Variants in WWOX observed in about 807,000 individuals in gnomAD.
The protein encoded by WWOX is WW domain containing oxidoreductase.
A neutral mutation model predicts 46.2 loss-of-function variants in WWOX; 69 were observed. That is an observed-to-expected ratio of 1.49 (90% confidence interval 1.23 to 1.82). The LOEUF (loss-of-function observed/expected upper bound fraction) is 1.82, where lower values mean the gene tolerates loss of function less well. Ranked by LOEUF, WWOX falls within the 40% of genes most tolerant of loss-of-function variation. The probability of loss-of-function intolerance (pLI) is 0.00; values close to 1 mark genes in which losing one functional copy is unlikely to be tolerated. For synonymous variants in WWOX, 359 were observed against 202.6 expected, an observed-to-expected ratio of 1.77 and a Z score of -6.56; for missense variants, 919 against 542.6, an observed-to-expected ratio of 1.69 and a Z score of -6.89.
At chr16:78,680,122 T>C (rs28710445) in intron 8 of WWOX, among the ~76,000 whole-genome samples, 26,358 of 152,238 alleles carry the variant, frequency 0.17, 4,659 homozygotes, top group African/African-American at 0.45. Flanking sequence ...TAAGAAAAGG[T>C]ATCTAGGCTG....
intron 8 of WWOX, among the ~76,000 whole-genome samples, chr16:79,096,993 C>T (rs9939718): frequency 0.4 from 60,312 of 151,704 alleles, 14,011 homozygotes; most frequent in African/African-American, 0.65. Context: ...TGCTGTCATT[C>T]GTGGGTTTTG....
intron 8 of WWOX, among the ~76,000 whole-genome samples, chr16:78,715,114 C>A (rs900905756): frequency 6.6e-5 from 10 of 151,964 alleles, no homozygotes; most frequent in South Asian, 4.2e-4. Flanking sequence ...GACCCCATCT[C>A]TATTAAGAAA....
intron 5 of WWOX, among the ~76,000 whole-genome samples, chr16:78,173,108 C>G (rs2035216324): frequency 1.3e-5 from 2 of 152,168 alleles, no homozygotes; most frequent in South Asian, 4.1e-4. Flanking sequence ...GGGCAGCACG[C>G]CCTGCGATAG....
chr16:78,983,942 G>C (rs2046734164), intron 8 of WWOX, among the ~76,000 whole-genome samples: 1 of 137,600 alleles, frequency 7.3e-6, no homozygotes, highest in Non-Finnish European at 1.5e-5. Context: ...CAGTGGCGCA[G>C]TCTCAGCTGA....
At chr16:78,769,814 G>A (rs1172888891) in intron 8 of WWOX, among the ~76,000 whole-genome samples, 2 of 150,888 alleles carry the variant, frequency 1.3e-5, no homozygotes, top group African/African-American at 4.9e-5. Flanking sequence ...CGAGATCAGT[G>A]TGGACAACAT....
chr16:78,272,676 G>A (rs1016727250), intron 5 of WWOX, among the ~76,000 whole-genome samples: 8 of 152,122 alleles, frequency 5.3e-5, no homozygotes, highest in African/African-American at 1.9e-4. Flanking sequence ...AAAGTACCAA[G>A]CACCTTGGAT....
chr16:78,332,998 A>T (rs185714268), intron 5 of WWOX, among the ~76,000 whole-genome samples: 2 of 149,032 alleles, frequency 1.3e-5, no homozygotes, highest in African/African-American at 4.9e-5. Context: ...TTTTTAACCA[A>T]GATTCTTCGC....
At chr16:78,796,998 G>A (rs1484293115) in intron 8 of WWOX, among the ~76,000 whole-genome samples, 1 of 151,880 alleles carries the variant, frequency 6.6e-6, no homozygotes, top group Non-Finnish European at 1.5e-5. Context: ...GCTAATTTTT[G>A]TATTTTTAGT....
At chr16:78,600,182 C>T (rs376238021) in intron 8 of WWOX, among the ~76,000 whole-genome samples, 2 of 152,190 alleles carry the variant, frequency 1.3e-5, no homozygotes, top group East Asian at 3.9e-4. Flanking sequence ...AAGACTTGCC[C>T]TCATGATTCA....
At chr16:78,996,895 C>G (rs549938232) in intron 8 of WWOX, among the ~76,000 whole-genome samples, 9 of 152,226 alleles carry the variant, frequency 5.9e-5, no homozygotes, top group Non-Finnish European at 1.3e-4. Flanking sequence ...TCCACAGTCC[C>G]TGCTCCGGAG....
At chr16:78,471,243 C>G (rs1250319873) in intron 8 of WWOX, among the ~76,000 whole-genome samples, 1 of 152,114 alleles carries the variant, frequency 6.6e-6, no homozygotes, top group Non-Finnish European at 1.5e-5. Context: ...TTTTCCCTGT[C>G]CTGCCAATTC....
chr16:79,020,113 C>G (rs1347757772), intron 8 of WWOX, among the ~76,000 whole-genome samples: 2 of 152,182 alleles, frequency 1.3e-5, no homozygotes, highest in African/African-American at 4.8e-5. Flanking sequence ...TGAACAACTA[C>G]TACATGCTAG....
chr16:79,104,571 G>C (rs1228757028), intron 8 of WWOX, among the ~76,000 whole-genome samples: 1 of 152,102 alleles, frequency 6.6e-6, no homozygotes, highest in African/African-American at 2.4e-5. Flanking sequence ...GTTAAGTATT[G>C]ATACAAAAAT....
intron 5 of WWOX, among the ~76,000 whole-genome samples, chr16:78,244,935 A>G (rs2037770402): frequency 6.6e-6 from 1 of 152,202 alleles, no homozygotes; most frequent in South Asian, 2.1e-4. Context: ...GAAAAAGAAA[A>G]TCCTCCAATA....
chr16:78,999,820 A>G (rs1373087226), intron 8 of WWOX, among the ~76,000 whole-genome samples: 1 of 152,180 alleles, frequency 6.6e-6, no homozygotes, highest in Non-Finnish European at 1.5e-5. Context: ...TACGCCATAT[A>G]TGCGTGTAAG....
Position 78,481,593 on chromosome 16 carries a change from G to C in WWOX, c.1056+48841G>C, listed in dbSNP as rs762024636. ...TTTAAAATATTTTCAAGTACATCCTGATATCAGCACGTGGTACACTGAGCC... is the reference window on the plus strand; with the variant it reads ...TTTAAAATATTTTCAAGTACATCCTCATATCAGCACGTGGTACACTGAGCC... On this transcript the variant is annotated intron_variant, in intron 8 of 8. Transcript: ENST00000566780. Among the ~76,000 whole-genome samples, 58 of 151,250 alleles carry C rather than the reference G, an allele frequency of 3.8e-4. 1 individual carries two copies. Among genetic ancestry groups the C allele is most frequent in the Non-Finnish European group, 6.6e-4 (45 of 67,926 alleles).
intron 8 of WWOX, among the ~76,000 whole-genome samples, chr16:78,945,645 ATT>A (rs66479410): frequency 2.6e-5 from 4 of 151,148 alleles, no homozygotes; most frequent in South Asian, 2.1e-4. Context: ...ATTTCTAAGG[ATT>A]TTTTTTTAAG....
At chr16:78,777,549 G>A (rs1333222854) in intron 8 of WWOX, among the ~76,000 whole-genome samples, 1 of 152,124 alleles carries the variant, frequency 6.6e-6, no homozygotes, top group African/African-American at 2.4e-5. Context: ...GTGGTCAGCT[G>A]TTTACACTGA....
At chr16:78,460,402 C>G (rs1162688724) in intron 8 of WWOX, among the ~76,000 whole-genome samples, 6 of 152,202 alleles carry the variant, frequency 3.9e-5, no homozygotes, top group African/African-American at 1.4e-4. Flanking sequence ...GGTACCCCGC[C>G]TGGCTGATAC....
Sources: gnomAD v4.1 joint callset for allele counts (sites outside exome capture counted in the v4.1 genomes callset) on GRCh38, gnomAD v4.1.1 for gene constraint, MANE v1.5 for transcripts, NCBI Gene and HGNC (gene_info 2026-07-23, HGNC 2026-07-21) for gene names.